NKAIN3: variants seen among roughly 807,000 people sequenced by gnomAD.
NKAIN3 encodes sodium/potassium transporting ATPase interacting 3, also known as sodium/potassium-transporting ATPase subunit beta-1-interacting protein 3.
In NKAIN3, 25 loss-of-function variants were observed where a neutral mutation model predicts 30.2. The observed-to-expected ratio is 0.83, with a 90% CI of 0.60 to 1.16. NKAIN3 has a LOEUF of 1.16. Among genes scored for constraint, NKAIN3 ranks in the 50% most tolerant of loss-of-function variants. The pLI, the probability that NKAIN3 is intolerant of heterozygous loss-of-function variation, is 0.00. For synonymous variants in NKAIN3, 91 were observed against 89.6 expected, an observed-to-expected ratio of 1.02 and a Z score of -0.09; for missense variants, 225 against 254.1, an observed-to-expected ratio of 0.89 and a Z score of 0.78.
chr8:62,663,494 G>C (rs563181720), intron 3 of NKAIN3, among the ~76,000 whole-genome samples: 1 of 152,312 alleles, frequency 6.6e-6, no homozygotes, highest in East Asian at 1.9e-4. Flanking sequence ...AGATGTCCAA[G>C]AGTTTTCCAC....
intron 5 of NKAIN3, among the ~76,000 whole-genome samples, chr8:62,921,709 T>C (rs1822282727): frequency 6.6e-6 from 1 of 152,134 alleles, no homozygotes; most frequent in Non-Finnish European, 1.5e-5. Flanking sequence ...TTTAAATATA[T>C]ATACATAAAT....
chr8:62,856,284 G>T, intron 4 of NKAIN3: 1 of 932,702 alleles, frequency 1.1e-6, no homozygotes, highest in South Asian at 1.3e-5. Flanking sequence ...CTCTGGACCA[G>T]ATTATAAATG....
chr8:62,559,360 A>C (rs924797112), intron 1 of NKAIN3, among the ~76,000 whole-genome samples: 7 of 151,952 alleles, frequency 4.6e-5, no homozygotes, highest in Non-Finnish European at 1.0e-4. Flanking sequence ...TGTGTTTTTT[A>C]ATCTACTCTG....
chr8:62,480,051 A>G (rs1376680004), intron 1 of NKAIN3, among the ~76,000 whole-genome samples: 1 of 152,156 alleles, frequency 6.6e-6, no homozygotes, highest in Non-Finnish European at 1.5e-5. Context: ...TCAAAAATTT[A>G]AATTGGAATT....
intron 1 of NKAIN3, among the ~76,000 whole-genome samples, chr8:62,531,509 T>C (rs1266272134): frequency 6.6e-6 from 1 of 152,176 alleles, no homozygotes; most frequent in East Asian, 1.9e-4. Flanking sequence ...GGTGTCACTT[T>C]TCCTTTTTTA....
intron 4 of NKAIN3, chr8:62,863,707 C>T (rs912261606): frequency 3.3e-6 from 5 of 1,523,194 alleles, no homozygotes; most frequent in Non-Finnish European, 3.6e-6. Flanking sequence ...CTGTATCACG[C>T]TGAGCACTTT....
At chr8:62,855,545 A>G in intron 4 of NKAIN3, 1 of 1,517,176 alleles carries the variant, frequency 6.6e-7, no homozygotes, top group African/African-American at 1.4e-5. Flanking sequence ...CTTAAACTCA[A>G]CCACCAGGGA....
At chr8:62,266,437 G>C (rs947607314) in intron 1 of NKAIN3, among the ~76,000 whole-genome samples, 1 of 151,980 alleles carries the variant, frequency 6.6e-6, no homozygotes, top group African/African-American at 2.4e-5. Flanking sequence ...ACCCCTTTTA[G>C]TAATATACAC....
chr8:62,957,488 C>G (rs531087192), intron 6 of NKAIN3, among the ~76,000 whole-genome samples: 112 of 152,232 alleles, frequency 7.4e-4, no homozygotes, highest in Middle Eastern at 3.4e-3. Context: ...AGATGTCCTC[C>G]GTAGGTGAAT....
intron 5 of NKAIN3, among the ~76,000 whole-genome samples, chr8:62,946,374 C>T (rs1823126109): frequency 6.6e-6 from 1 of 152,176 alleles, no homozygotes; most frequent in Non-Finnish European, 1.5e-5. Context: ...TGTTTTGGCA[C>T]AGCAGGCCGT....
rs1242422080 is a variant in NKAIN3, at chr8:62,968,640, T to G, written c.*3233T>G. Among the ~76,000 whole-genome samples the G allele has an allele frequency of 6.6e-6, 1 of 152,228 alleles. No homozygotes were observed. The highest frequency in any genetic ancestry group is 1.5e-5 in the Non-Finnish European group (1 of 68,046). On this transcript the variant is annotated 3_prime_UTR_variant, in exon 7 of 7. Coordinates refer to ENST00000623646, the MANE Select transcript of NKAIN3 (RefSeq NM_001304533.3). ...TCCACTGCTCTTTAGCTTCTAGTGC[T>G]GACTGGAATGGTGAACATTTAAAGC...
At chr8:62,399,366 AGTG>A (rs1817863940) in intron 1 of NKAIN3, among the ~76,000 whole-genome samples, 2 of 151,860 alleles carry the variant, frequency 1.3e-5, no homozygotes, top group African/African-American at 4.8e-5. Context: ...ATTAGCAGAG[AGTG>A]GTGGTGGGTG....
chr8:62,583,412 T>C (rs931013588), intron 2 of NKAIN3, among the ~76,000 whole-genome samples: 2 of 152,214 alleles, frequency 1.3e-5, no homozygotes, highest in Non-Finnish European at 2.9e-5. Flanking sequence ...ACCAAGTCTC[T>C]CTCATTTTAT....
At chr8:62,897,837 G>T (rs4739018) in intron 4 of NKAIN3, among the ~76,000 whole-genome samples, 1 of 151,926 alleles carries the variant, frequency 6.6e-6, no homozygotes, top group African/African-American at 2.4e-5. Context: ...CCATGCGATC[G>T]ATTTGCACAT....
At chr8:62,877,569 G>A (rs1053142315) in intron 4 of NKAIN3, among the ~76,000 whole-genome samples, 1 of 152,144 alleles carries the variant, frequency 6.6e-6, no homozygotes, top group Non-Finnish European at 1.5e-5. Context: ...ATAGGATCTT[G>A]GCCTGGAGCC....
chr8:62,742,669 A>T (rs1412378072), intron 3 of NKAIN3, among the ~76,000 whole-genome samples: 1 of 152,222 alleles, frequency 6.6e-6, no homozygotes, highest in Non-Finnish European at 1.5e-5. Flanking sequence ...ATCATCACAC[A>T]GTAGTCTATT....
At chr8:62,558,839 C>T (rs1431343390) in intron 1 of NKAIN3, among the ~76,000 whole-genome samples, 1 of 152,006 alleles carries the variant, frequency 6.6e-6, no homozygotes, top group Non-Finnish European at 1.5e-5. Context: ...ATTTCCCTCT[C>T]AACATGTTTA....
At chr8:62,779,283 G>C (rs757230591) in intron 4 of NKAIN3, among the ~76,000 whole-genome samples, 8 of 152,098 alleles carry the variant, frequency 5.3e-5, no homozygotes, top group Non-Finnish European at 1.0e-4. Flanking sequence ...ACTAAAGCTT[G>C]CCCAGGAGCG....
At chr8:62,514,802 C>T (rs996458951) in intron 1 of NKAIN3, among the ~76,000 whole-genome samples, 3 of 151,910 alleles carry the variant, frequency 2.0e-5, no homozygotes, top group Non-Finnish European at 4.4e-5. Flanking sequence ...CCTGTTCCAC[C>T]GATCTCTCTT....
Sources: allele counts gnomAD v4.1 joint callset (sites outside exome capture counted in the v4.1 genomes callset), GRCh38; gene constraint gnomAD v4.1.1; transcripts MANE v1.5; gene names NCBI Gene and HGNC (gene_info 2026-07-23, HGNC 2026-07-21).